The following UTP20 variants were observed in gnomAD, a reference collection of about 807,000 sequenced individuals.
UTP20 encodes UTP20 small subunit processome component, also known as small subunit processome component 20 homolog.
In UTP20, 164 loss-of-function variants were observed where a neutral mutation model predicts 329.5. The observed-to-expected ratio is 0.50, with a 90% CI of 0.44 to 0.57. The LOEUF is 0.57. UTP20 is among the 20% of genes least tolerant of loss of function. The pLI is 0.00. For missense variants in UTP20, 3,055 were observed against 3,284.2 expected, an observed-to-expected ratio of 0.93 and a Z score of 1.71; for synonymous variants, 1,151 against 1,159.3, an observed-to-expected ratio of 0.99 and a Z score of 0.14.
chr12:101,379,387 C>T lies in UTP20; in HGVS notation c.7413C>T (p.His2471=). The part of the protein sequence containing the change: ...LSKIWSHVHS[H]LRHPHNWVWL... ...TTCCCTTAGGTCATGTGCATTCTCA[C>T]CTGAGACATCCACACAACTGGGTGT... is the stretch of plus-strand genomic sequence containing the variant. Residue 2471 remains histidine, a synonymous_variant, in exon 57 of 62, where the codon CAC becomes CAT. Coordinates refer to ENST00000261637, the MANE Select transcript of UTP20 (RefSeq NM_014503.3). 1.2e-6 allele frequency: 2 copies of T among 1,610,624 alleles called. No individual in the cohort carries two copies. The highest frequency in any genetic ancestry group is 2.2e-5 in the South Asian group (2 of 90,734).
intron 32 of UTP20, 105 bp from the exon 33 acceptor site, chr12:101,342,341 T>G: frequency 2.1e-6 from 2 of 941,156 alleles, no homozygotes; most frequent in South Asian, 5.9e-5. Context: ...ATTACTACTT[T>G]TACATCTTAT....
intron 1 of UTP20, among the ~76,000 whole-genome samples, 181 bp from the exon 2 acceptor site, chr12:101,280,933 CAT>C (rs1871776355): frequency 6.6e-6 from 1 of 152,152 alleles, no homozygotes; most frequent in Non-Finnish European, 1.5e-5. Flanking sequence ...ATTATGCAAA[CAT>C]AGAAGTATTC....
intron 15 of UTP20, 70 bp from the exon 16 acceptor site, chr12:101,305,845 G>T: frequency 7.3e-7 from 1 of 1,376,848 alleles, no homozygotes; most frequent in South Asian, 2.0e-5. Context: ...CATTTTCTGT[G>T]GCTTATACTA....
intron 6 of UTP20, among the ~76,000 whole-genome samples, chr12:101,289,447 A>G (rs370485664): frequency 5.5e-4 from 83 of 152,194 alleles, no homozygotes; most frequent in African/African-American, 1.9e-3. Flanking sequence ...ATAGAAGTAG[A>G]TATCTTTTAA....
intron 46 of UTP20, 77 bp from the exon 47 acceptor site, chr12:101,366,481 T>C: frequency 6.5e-7 from 1 of 1,531,454 alleles, no homozygotes; most frequent in Non-Finnish European, 8.8e-7. Flanking sequence ...TCTCGTCACT[T>C]TAGAAGGGCC....
At chr12:101,298,204 A>G (rs998655554) in intron 12 of UTP20, among the ~76,000 whole-genome samples, 3 of 152,166 alleles carry the variant, frequency 2.0e-5, no homozygotes, top group Non-Finnish European at 2.9e-5. Context: ...GAATAAGAAA[A>G]AAGTTCCTTC....
chr12:101,315,541 C>T (rs910735534), intron 21 of UTP20, among the ~76,000 whole-genome samples: 1 of 151,342 alleles, frequency 6.6e-6, no homozygotes, highest in Non-Finnish European at 1.5e-5. Flanking sequence ...GGATACAGTA[C>T]ATAAATTCAA....
rs753785975 is a variant in UTP20, at chr12:101,343,081, C to T, written c.4437C>T (p.Phe1479=). 2 of 1,604,570 alleles carry T rather than the reference C, an allele frequency of 1.2e-6. No individual in the cohort carries two copies. The highest frequency in any genetic ancestry group is 1.7e-6 in the Non-Finnish European group (2 of 1,175,452). ...TAATTCCAGTTATGCATAATTGTTT[C>T]TATAATCTAGAGGTAGGTTATTATA... ...NYLIPVMHNC[F]YNLELGDMSL... Residue 1479 remains phenylalanine, a synonymous_variant, in exon 35 of 62, where the codon TTC becomes TTT. Coordinates refer to ENST00000261637, the MANE Select transcript of UTP20 (RefSeq NM_014503.3).
At chr12:101,333,268 G>A (rs1868818407) in intron 27 of UTP20, 33 bp from the exon 28 acceptor site, 2 of 1,602,416 alleles carry the variant, frequency 1.2e-6, no homozygotes, top group Admixed American at 1.7e-5. Flanking sequence ...TGATACATAT[G>A]TATTTTTTGA....
chr12:101,296,853 T>C (rs1872374299), intron 12 of UTP20, among the ~76,000 whole-genome samples: 1 of 152,246 alleles, frequency 6.6e-6, no homozygotes, highest in Non-Finnish European at 1.5e-5. Context: ...AAATGACACA[T>C]TGTTTAGAAG....
intron 2 of UTP20, among the ~76,000 whole-genome samples, chr12:101,285,286 T>C (rs952230094): frequency 6.6e-6 from 1 of 152,122 alleles, no homozygotes; most frequent in Admixed American, 6.6e-5. Context: ...CCTAAAATTA[T>C]AAAAAAACAC....
rs369358755 is a variant in UTP20 at position 101,380,269 on chromosome 12, T to G, written c.7584+711T>G. Among the ~76,000 whole-genome samples, 109 of 152,048 alleles carry G rather than the reference T, an allele frequency of 7.2e-4. 1 individual carries two copies. Among genetic ancestry groups the G allele is most frequent in the African/African-American group, 2.5e-3 (105 of 41,480 alleles). Reference sequence around the variant, plus strand: ...GGTGTACACCTGTAGTCCTAGCTACTTGGGAGACTTACATAGGGGGATCAC... The same window carrying G: ...GGTGTACACCTGTAGTCCTAGCTACGTGGGAGACTTACATAGGGGGATCAC... On this transcript the variant is annotated intron_variant, in intron 57 of 61. Coordinates refer to ENST00000261637, the MANE Select transcript of UTP20 (RefSeq NM_014503.3).
chr12:101,347,361 A>G (rs1169822723), intron 38 of UTP20, among the ~76,000 whole-genome samples: 1 of 152,154 alleles, frequency 6.6e-6, no homozygotes, highest in East Asian at 1.9e-4. Flanking sequence ...CATGTGCACC[A>G]AAGATATAAA....
rs941358128 is a variant in UTP20, at chr12:101,329,441, C to T, written c.3409C>T (p.Arg1137Ter). The change falls in exon 27 of 62, where the codon CGA becomes TGA. Residue 1137 changes from arginine to a stop codon, truncating the protein, a stop_gained. Transcript: ENST00000261637. LOFTEE classifies it high-confidence loss of function. ...AACCGTATCACACATCCTTGACCAA[C>T]GAGAAAAGGTTAGATTCACTATAGA... ...TATVSHILDQ[R>*]EKIQLRFINP... 5 of 1,611,428 alleles carry T rather than the reference C, an allele frequency of 3.1e-6. No individual in the cohort carries two copies. The highest frequency in any genetic ancestry group is 1.1e-5 in the South Asian group (1 of 91,018).
At chr12:101,284,595 G>T (rs1295313767) in intron 2 of UTP20, among the ~76,000 whole-genome samples, 1 of 152,000 alleles carries the variant, frequency 6.6e-6, no homozygotes, top group Non-Finnish European at 1.5e-5. Flanking sequence ...TTTTGGGGGG[G>T]TATGCATTTA....
chr12:101,367,213 AG>A (rs1213340105), intron 47 of UTP20, among the ~76,000 whole-genome samples: 1 of 152,150 alleles, frequency 6.6e-6, no homozygotes, highest in African/African-American at 2.4e-5. Flanking sequence ...TGAGCCCAGG[AG>A]TTTGAGGCTG....
chr12:101,370,478 A>C lies in UTP20; in HGVS notation c.6602A>C (p.Glu2201Ala). Residue 2201 changes from glutamate to alanine, a missense_variant, in exon 50 of 62, where the codon GAA (glutamate) becomes GCA (alanine). This residue lies in a region of UTP20 where 273 missense variants were observed against 363.1 expected (regional missense o/e 0.75). Coordinates refer to ENST00000261637, the MANE Select transcript of UTP20 (RefSeq NM_014503.3). ...AAAGTCAAGTCTTACCAGATAACTG[A>C]AAAACAGCTCCAAGTTCTACTGGCC... is the stretch of plus-strand genomic sequence containing the variant. ...VKKVKSYQIT[E>A]KQLQVLLAYA... 6.2e-7 allele frequency: 1 copy of C among 1,613,958 alleles called. No individual in the cohort carries two copies. Among genetic ancestry groups the C allele is most frequent in the Non-Finnish European group, 8.5e-7 (1 of 1,179,882 alleles).
Position 101,292,171 on chromosome 12 carries a change from GGAATACAAGTGAAGTGTGACAAAGGCT to G in UTP20, c.1173+68_1173+94del, listed in dbSNP as rs1476621732. ...TGTTTAGCATTGAGTAACCTTCTGA[GGAATACAAGTGAAGTGTGACAAAGGCT>G]CTGCCCTCAAGGAATTTATAATCTT... On this transcript the variant is annotated intron_variant, in intron 10 of 61. Coordinates refer to ENST00000261637, the MANE Select transcript of UTP20 (RefSeq NM_014503.3). The G allele has an allele frequency of 5.2e-6, 8 of 1,525,510 alleles. No individual in the cohort carries two copies. The African/African-American group carries it at 1.1e-4, about 21-fold the overall frequency. 94.5% of individuals were successfully genotyped at this position (1,525,510 alleles called of 1,614,324 possible). A position where few individuals can be genotyped will look rare whatever the true frequency, so the allele number is the denominator to read the frequency against.
At chr12:101,336,186 G>A (rs1868927907) in intron 29 of UTP20, among the ~76,000 whole-genome samples, 1 of 152,120 alleles carries the variant, frequency 6.6e-6, no homozygotes, top group African/African-American at 2.4e-5. Flanking sequence ...CTATAAAAGT[G>A]TTGACTTCCC....
Sources: allele counts gnomAD v4.1 joint callset (sites outside exome capture counted in the v4.1 genomes callset), GRCh38; gene constraint gnomAD v4.1.1; regional missense constraint gnomAD v4.1.1; transcripts MANE v1.5; gene names NCBI Gene and HGNC (gene_info 2026-07-23, HGNC 2026-07-21).